The following ACTN3 variants were observed in gnomAD, a reference collection of about 807,000 sequenced individuals.
The protein encoded by ACTN3 is alpha-actinin-3.
A neutral mutation model predicts 119.6 loss-of-function variants in ACTN3; 91 were observed. That is an observed-to-expected ratio of 0.76 (90% CI 0.64 to 0.91). The LOEUF (loss-of-function observed/expected upper bound fraction) is 0.91. Among genes scored for constraint, ACTN3 ranks in the 40% least tolerant of loss-of-function variants. ACTN3 has a pLI of 0.00. For missense variants in ACTN3, 1,221 were observed against 1,215.1 expected (o/e 1.00, Z -0.07); for synonymous variants, 456 against 478.8 (o/e 0.95, Z 0.62).
At chr11:66,559,204 T>C in intron 11 of ACTN3, 32 bp from the exon 12 acceptor site, 1 of 1,459,112 alleles carries the variant, frequency 6.9e-7, no homozygotes, top group East Asian at 2.7e-5. Flanking sequence ...CTGCCGCCAC[T>C]GGGTGACCGG....
intron 3 of ACTN3, among the ~76,000 whole-genome samples, chr11:66,553,743 G>A (rs1403705526): frequency 5.3e-5 from 8 of 149,958 alleles, no homozygotes; most frequent in Admixed American, 4.7e-4. Flanking sequence ...GGTGGTGGGC[G>A]CCTGTAGTCC....
At position 66,557,911 on chromosome 11, in the gene ACTN3, C is replaced by T. The variant is rs144546392; in HGVS notation, c.1110C>T (p.Ser370=). Residue 370 remains serine (S), a synonymous_variant, in exon 10 of 21, where the codon TCC becomes TCT. Transcript: ENST00000513398. Reference sequence around the variant, plus strand: ...GCCACCGGCCTGCCTTCATGCCCTCCGAGGGCAAGCTGGTCTCGGTGAGCT... The same window carrying T: ...GCCACCGGCCTGCCTTCATGCCCTCTGAGGGCAAGCTGGTCTCGGTGAGCT... ...RLSHRPAFMP[S]EGKLVSDIAN... is the part of the protein sequence containing the mutation. 1.4e-3 allele frequency: 2,187 copies of T among 1,575,340 alleles called. 23 individuals carry two copies. The Admixed American group carries it at 0.026, about 19-fold the overall frequency.
chr11:66,563,013 C>T, intron 20 of ACTN3, 22 bp from the exon 21 acceptor site: 1 of 1,607,638 alleles, frequency 6.2e-7, no homozygotes, highest in East Asian at 2.2e-5. Flanking sequence ...ACCTGTGGGT[C>T]CTCAACGCCT....
At chr11:66,546,868 G>T, upstream of ACTN3, 1 of 1,509,704 alleles carries the variant, frequency 6.6e-7, no homozygotes. Flanking sequence ...GGGCTGGGCT[G>T]GGCCCTACTT....
rs779010800 is a variant in ACTN3, at chr11:66,561,340, C to CTGGA, written c.1976_1979dup (p.Ile660MetfsTer40). On this transcript the variant is annotated frameshift_variant, in exon 16 of 21. Transcript: ENST00000513398. LOFTEE classifies it high-confidence loss of function. ...CGGCCCAGGCCAATGCCATTGGACC[C>CTGGA]TGGATCCAGGCGAAGGTGGAGGTAA... 8 of 1,611,702 alleles carry CTGGA rather than the reference C, an allele frequency of 5.0e-6. No homozygotes were observed. In the Admixed American group the frequency reaches 1.3e-4, roughly 27 times the overall value.
At chr11:66,554,483 A>C in intron 4 of ACTN3, 53 bp from the exon 5 acceptor site, 1 of 1,242,258 alleles carries the variant, frequency 8.0e-7, no homozygotes. Context: ...GAAGTGTGAG[A>C]GGGCTGACCT....
upstream of ACTN3, chr11:66,546,730 T>C (rs774504213): frequency 1.3e-5 from 20 of 1,535,092 alleles, no homozygotes; most frequent in East Asian, 2.4e-5. Context: ...CGCCGCGAGA[T>C]CCACCCCGGC....
In ACTN3 at chr11:66,562,161, T is replaced by C. The variant is rs1303282460; in HGVS notation, c.2315T>C (p.Phe772Ser). 1.2e-6 allele frequency: 2 copies of C among 1,613,792 alleles called. No individual in the cohort carries two copies. Among genetic ancestry groups the C allele is most frequent in the African/African-American group, 1.3e-5 (1 of 74,868 alleles). ...LNEFRASFNHFDRKQNGMMEP... is the reference protein window; with the variant it reads ...LNEFRASFNHSDRKQNGMMEP... ...GAGTTCCGAGCATCCTTCAACCACT[T>C]TGACAGGGTCAGCAGGGGCCTGGCC... Residue 772 changes from phenylalanine to serine, a missense_variant, in exon 18 of 21, where the codon TTT (phenylalanine) becomes TCT (serine). Around this residue, in one of 3 missense-constraint regions of ACTN3, gnomAD observed 934 missense variants for 899.9 expected, o/e 1.04. Coordinates refer to ENST00000513398, the MANE Select transcript of ACTN3 (RefSeq NM_001104.4).
chr11:66,559,510 G>T (rs538786991), intron 12 of ACTN3, 124 bp downstream of exon 12: 7 of 1,000,518 alleles, frequency 7.0e-6, no homozygotes, highest in Non-Finnish European at 8.2e-6. Context: ...TAACCCCGCC[G>T]TGGTACCCAG....
chr11:66,563,010 G>A (rs775698147), intron 20 of ACTN3, 25 bp from the exon 21 acceptor site: 33 of 1,607,632 alleles, frequency 2.1e-5, no homozygotes, highest in Non-Finnish European at 2.6e-5. Context: ...GGGACCTGTG[G>A]GTCCTCAACG....
chr11:66,552,846 A>ACTCTGTCT (rs1187155158), intron 3 of ACTN3, among the ~76,000 whole-genome samples: 22 of 116,384 alleles, frequency 1.9e-4, no homozygotes, highest in African/African-American at 6.2e-4. Context: ...GACAAGAGAG[A>ACTCTGTCT]CTCTGTCTCT....
intron 7 of ACTN3, 75 bp downstream of exon 7, chr11:66,555,442 C>A: frequency 6.8e-7 from 1 of 1,474,072 alleles, no homozygotes; most frequent in Non-Finnish European, 9.4e-7. Context: ...CACCTTTGCA[C>A]GGCCCTTTCC....
chr11:66,557,380 C>A (rs1857613311), intron 9 of ACTN3, 155 bp downstream of exon 9: 1 of 220,998 alleles, frequency 4.5e-6, no homozygotes, highest in African/African-American at 2.3e-5. Context: ...CCATCACCTG[C>A]CCTTCTGCCA....
At position 66,562,788 on chromosome 11, in the gene ACTN3, C is replaced by A; in HGVS notation, c.2389-8C>A. On this transcript the variant is annotated splice_polypyrimidine_tract_variant and splice_region_variant and intron_variant, in intron 19 of 20. Coordinates refer to ENST00000513398, the MANE Select transcript of ACTN3 (RefSeq NM_001104.4). ...CATGGGCATAGTGCCTGGCCTCTAT[C>A]CCTGCAGGGGGAAGTGGAGTTTGCT... 6.3e-7 allele frequency: 1 copy of A among 1,599,814 alleles called. No homozygotes were observed. The highest frequency in any genetic ancestry group is 8.5e-7 in the Non-Finnish European group (1 of 1,171,786).
Position 66,561,215 on chromosome 11 carries a change from C to T in ACTN3, c.1861-12C>T. 6.5e-7 allele frequency: 1 copy of T among 1,535,282 alleles called. No individual in the cohort carries two copies. Among genetic ancestry groups the T allele is most frequent in the Non-Finnish European group, 8.8e-7 (1 of 1,142,362 alleles). The stretch of plus-strand genomic sequence containing the variant: ...CCCAGAGCTGGCTCTGGCATAACTG[C>T]CCTCCTCCCAGGTCCGAAAGCTGGT... On this transcript the variant is annotated splice_polypyrimidine_tract_variant and intron_variant, in intron 15 of 20. Coordinates refer to ENST00000513398, the MANE Select transcript of ACTN3 (RefSeq NM_001104.4).
At chr11:66,551,449 G>C in intron 2 of ACTN3, 79 bp from the exon 3 acceptor site, 22 of 1,569,882 alleles carry the variant, frequency 1.4e-5, no homozygotes, top group Non-Finnish European at 1.9e-5. Flanking sequence ...GGGACTTGGT[G>C]GGGAGGGGAG....
upstream of ACTN3, chr11:66,546,788 TC>T: frequency 6.5e-7 from 1 of 1,533,724 alleles, no homozygotes. Flanking sequence ...CCTTGCCAGG[TC>T]CAACCCGAGC....
At chr11:66,550,367 C>T (rs1443646753) in intron 1 of ACTN3, among the ~76,000 whole-genome samples, 7 of 152,170 alleles carry the variant, frequency 4.6e-5, no homozygotes, top group Admixed American at 2.6e-4. Flanking sequence ...ACCCCTATCC[C>T]CAACAGACAC....
upstream of ACTN3, chr11:66,546,516 G>T: frequency 6.5e-7 from 1 of 1,535,306 alleles, no homozygotes; most frequent in Non-Finnish European, 8.7e-7. Context: ...GTGAAATGGG[G>T]ATAGGGCTCT....
Sources: gnomAD v4.1 joint callset for allele counts (sites outside exome capture counted in the v4.1 genomes callset) on GRCh38, gnomAD v4.1.1 for gene constraint, gnomAD v4.1.1 regional missense constraint, MANE v1.5 for transcripts, NCBI Gene and HGNC (gene_info 2026-07-23, HGNC 2026-07-21) for gene names.